The following SPAG16 variants were observed in gnomAD, a reference collection of about 807,000 sequenced individuals.
SPAG16 encodes the protein sperm associated antigen 16.
Under a neutral mutation model 80.4 loss-of-function variants are expected in SPAG16, and 86 were observed. The ratio of observed to expected loss-of-function variants is 1.07; its 90% CI spans 0.90 to 1.28. The LOEUF (loss-of-function observed/expected upper bound fraction) is 1.28, where lower values mean the gene tolerates loss of function less well. Ranked by LOEUF, SPAG16 falls within the 50% of genes most tolerant of loss-of-function variation. The pLI, the probability that SPAG16 is intolerant of heterozygous loss-of-function variation, is 0.00. For missense variants in SPAG16, 870 were observed against 765.3 expected (o/e 1.14, Z -1.61); for synonymous variants, 294 against 265.9 (o/e 1.11, Z -1.03).
intron 11 of SPAG16, among the ~76,000 whole-genome samples, chr2:213,882,668 T>C (rs976182630): frequency 5.9e-5 from 9 of 152,200 alleles, no homozygotes; most frequent in Non-Finnish European, 1.0e-4. Context: ...TTATACCTGA[T>C]TGTACTGATT....
intron 11 of SPAG16, among the ~76,000 whole-genome samples, chr2:213,894,540 G>A (rs2076913613): frequency 6.6e-6 from 1 of 152,022 alleles, no homozygotes; most frequent in African/African-American, 2.4e-5. Context: ...AAAAAGACAA[G>A]GATGCCCACT....
chr2:214,102,667 G>C (rs779148398), intron 13 of SPAG16, among the ~76,000 whole-genome samples: 1 of 152,138 alleles, frequency 6.6e-6, no homozygotes, highest in Non-Finnish European at 1.5e-5. Flanking sequence ...CAGTGGAAGA[G>C]ATCAGAGTTA....
chr2:213,693,790 C>T (rs2065043336), intron 10 of SPAG16, among the ~76,000 whole-genome samples: 1 of 152,084 alleles, frequency 6.6e-6, no homozygotes, highest in African/African-American at 2.4e-5. Flanking sequence ...AGCTTTGATT[C>T]AAAGAAGCCA....
intron 15 of SPAG16, among the ~76,000 whole-genome samples, chr2:214,185,631 A>G (rs1261001579): frequency 2.0e-5 from 3 of 152,148 alleles, no homozygotes; most frequent in East Asian, 1.9e-4. Context: ...ACAACTGTAC[A>G]TAAACTGGAG....
At chr2:213,795,093 C>T (rs1469522770) in intron 10 of SPAG16, among the ~76,000 whole-genome samples, 1 of 151,940 alleles carries the variant, frequency 6.6e-6, no homozygotes, top group Non-Finnish European at 1.5e-5. Flanking sequence ...ATTGATAAGC[C>T]CCATTTCAGT....
intron 15 of SPAG16, among the ~76,000 whole-genome samples, chr2:214,307,805 A>G (rs1018008725): frequency 6.6e-6 from 1 of 152,090 alleles, no homozygotes; most frequent in Non-Finnish European, 1.5e-5. Flanking sequence ...GGAGTGTTTT[A>G]CTTCCAATTA....
intron 12 of SPAG16, among the ~76,000 whole-genome samples, chr2:213,997,984 T>C (rs935632352): frequency 2.0e-5 from 3 of 152,162 alleles, no homozygotes; most frequent in Admixed American, 2.0e-4. Context: ...TGAATTAAAG[T>C]CAGAAATTTC....
chr2:213,287,244 G>C (rs998083002), intron 1 of SPAG16, among the ~76,000 whole-genome samples: 2 of 152,210 alleles, frequency 1.3e-5, no homozygotes, highest in Non-Finnish European at 2.9e-5. Flanking sequence ...GGTATCTCCA[G>C]AACCTAGAAA....
chr2:213,947,663 G>A (rs910676645), intron 12 of SPAG16, among the ~76,000 whole-genome samples: 28 of 151,940 alleles, frequency 1.8e-4, no homozygotes, highest in African/African-American at 6.8e-4. Context: ...ACCATATGAT[G>A]AAAATTTGTA....
At chr2:213,632,902 A>G (rs541668593) in intron 10 of SPAG16, among the ~76,000 whole-genome samples, 3 of 152,214 alleles carry the variant, frequency 2.0e-5, no homozygotes, top group Admixed American at 6.5e-5. Context: ...TTGCATCAAT[A>G]TTCATCAGAG....
intron 9 of SPAG16, among the ~76,000 whole-genome samples, chr2:213,375,899 A>T (rs144961503): frequency 6.6e-6 from 1 of 151,234 alleles, no homozygotes; most frequent in Non-Finnish European, 1.5e-5. Context: ...TCTCTAAAAC[A>T]TGCATTGGAT....
chr2:213,940,987 C>G (rs1477232356), intron 12 of SPAG16, among the ~76,000 whole-genome samples: 4 of 152,170 alleles, frequency 2.6e-5, no homozygotes. Flanking sequence ...TTACAAACCA[C>G]TGAGGAACCA....
chr2:213,396,352 A>G (rs1337516872), intron 9 of SPAG16, among the ~76,000 whole-genome samples: 2 of 152,206 alleles, frequency 1.3e-5, no homozygotes, highest in Admixed American at 6.5e-5. Flanking sequence ...ACATATTTGG[A>G]CATTCTTTAA....
chr2:213,972,923 A>G (rs2045154268), intron 12 of SPAG16, among the ~76,000 whole-genome samples: 1 of 151,770 alleles, frequency 6.6e-6, no homozygotes, highest in South Asian at 2.1e-4. Flanking sequence ...TATTTCCTTT[A>G]GTTTGTGTTC....
At chr2:214,237,978 T>C (rs559382072) in intron 15 of SPAG16, among the ~76,000 whole-genome samples, 2 of 152,144 alleles carry the variant, frequency 1.3e-5, no homozygotes, top group Non-Finnish European at 2.9e-5. Flanking sequence ...AGATTTAGGA[T>C]TTAGAGCATT....
chr2:213,807,331 T>A (rs2071829053), intron 10 of SPAG16, among the ~76,000 whole-genome samples: 1 of 152,020 alleles, frequency 6.6e-6, no homozygotes, highest in South Asian at 2.1e-4. Flanking sequence ...GGACCACTTG[T>A]TTTCTTTTTT....
At chr2:213,372,446 T>G (rs987792303) in intron 8 of SPAG16, among the ~76,000 whole-genome samples, 1 of 152,152 alleles carries the variant, frequency 6.6e-6, no homozygotes, top group African/African-American at 2.4e-5. Context: ...TACTTCAAAA[T>G]TAATAGTAGA....
At chr2:213,922,669 A>G (rs2078279067) in intron 11 of SPAG16, among the ~76,000 whole-genome samples, 1 of 152,136 alleles carries the variant, frequency 6.6e-6, no homozygotes, top group Non-Finnish European at 1.5e-5. Flanking sequence ...ATGTTCCTTC[A>G]GTCTTTAAAG....
intron 10 of SPAG16, among the ~76,000 whole-genome samples, chr2:213,641,089 A>C (rs1574607827): frequency 6.6e-6 from 1 of 151,772 alleles, no homozygotes; most frequent in African/African-American, 2.4e-5. Context: ...CTGACCTCAG[A>C]CTCTCCTTGG....
Sources: allele counts gnomAD v4.1 joint callset (sites outside exome capture counted in the v4.1 genomes callset), GRCh38; gene constraint gnomAD v4.1.1; transcripts MANE v1.5; gene names NCBI Gene and HGNC (gene_info 2026-07-23, HGNC 2026-07-21).